TMPRSS15: variants seen among roughly 807,000 people sequenced by gnomAD.
TMPRSS15 encodes enteropeptidase.
TMPRSS15 carries 128 observed loss-of-function variants against 125.3 expected under a neutral mutation model. The observed-to-expected ratio is 1.02, with a 90% confidence interval of 0.89 to 1.18. TMPRSS15 has a LOEUF of 1.18. TMPRSS15 is among the 50% of genes most tolerant of loss of function. The pLI, the probability that TMPRSS15 is intolerant of heterozygous loss-of-function variation, is 0.00. For missense variants in TMPRSS15, 1,283 were observed against 1,212.7 expected (o/e 1.06, Z -0.86); for synonymous variants, 446 against 423.2 (o/e 1.05, Z -0.66).
At chr21:18,333,240 C>T (rs970712329) in intron 13 of TMPRSS15, among the ~76,000 whole-genome samples, 3 of 151,616 alleles carry the variant, frequency 2.0e-5, no homozygotes, top group Non-Finnish European at 2.9e-5. Flanking sequence ...TTCCCCTGAA[C>T]GTAAAAGTAA....
chr21:18,369,882 G>A (rs1416866152), intron 6 of TMPRSS15, among the ~76,000 whole-genome samples: 8 of 143,612 alleles, frequency 5.6e-5, no homozygotes, highest in African/African-American at 2.1e-4. Flanking sequence ...ATTCTCTCTG[G>A]ATAAAAATAG....
At chr21:18,301,204 A>G (rs1249183177) in intron 18 of TMPRSS15, among the ~76,000 whole-genome samples, 1 of 152,186 alleles carries the variant, frequency 6.6e-6, no homozygotes, top group African/African-American at 2.4e-5. Flanking sequence ...GTTTCTCCAG[A>G]TGTCAGTTCT....
chr21:18,401,822 T>C (rs1400935261), intron 1 of TMPRSS15, among the ~76,000 whole-genome samples: 1 of 152,248 alleles, frequency 6.6e-6, no homozygotes, highest in Non-Finnish European at 1.5e-5. Context: ...TATATTTAGC[T>C]GTTCACTGTT....
chr21:18,371,227 C>T lies in TMPRSS15; in HGVS notation c.664+966G>A, dbSNP rs188672233. Reference sequence around the variant, plus strand: ...CACTAATAAAATAGAACAATTATAACAATACTCAGAATGATGTGCAATTTT... The same window carrying T: ...CACTAATAAAATAGAACAATTATAATAATACTCAGAATGATGTGCAATTTT... On this transcript the variant is annotated intron_variant, in intron 6 of 24. Coordinates refer to ENST00000284885, the MANE Select transcript of TMPRSS15 (RefSeq NM_002772.3). 2.8e-3 allele frequency among the ~76,000 whole-genome samples: 426 copies of T among 152,214 alleles called. 1 individual carries two copies. The highest frequency in any genetic ancestry group is 9.8e-3 in the African/African-American group (409 of 41,538).
chr21:18,368,301 T>A lies in TMPRSS15; in HGVS notation c.665-3053A>T, dbSNP rs561136284. Among the ~76,000 whole-genome samples, 28 of 152,306 alleles carry A rather than the reference T, an allele frequency of 1.8e-4. 3 individuals are homozygous for A. Among genetic ancestry groups the A allele is most frequent in the African/African-American group, 6.7e-4 (28 of 41,564 alleles). ...GTTACGTCTCTAGTTTCAAAGATGG[T>A]TCTATGTTTGACAAACCCTCTTTCA... On this transcript the variant is annotated intron_variant, in intron 6 of 24. Coordinates refer to ENST00000284885, the MANE Select transcript of TMPRSS15 (RefSeq NM_002772.3).
At chr21:18,383,421 T>C (rs1344953178) in intron 4 of TMPRSS15, among the ~76,000 whole-genome samples, 2 of 152,128 alleles carry the variant, frequency 1.3e-5, no homozygotes, top group East Asian at 3.9e-4. Context: ...TCCTTGATAT[T>C]TGGTATTTTA....
chr21:18,482,224 A>T (rs1233933752), intron 1 of TMPRSS15, among the ~76,000 whole-genome samples: 1 of 151,500 alleles, frequency 6.6e-6, no homozygotes, highest in Non-Finnish European at 1.5e-5. Context: ...ATCCAATATG[A>T]ACACCAATTT....
chr21:18,374,673 A>G (rs1305196510), intron 5 of TMPRSS15, among the ~76,000 whole-genome samples: 3 of 152,120 alleles, frequency 2.0e-5, no homozygotes, highest in Non-Finnish European at 2.9e-5. Context: ...AAGATTTTAC[A>G]TATATCTGCA....
intron 1 of TMPRSS15, among the ~76,000 whole-genome samples, chr21:18,447,300 C>A (rs1016532888): frequency 6.6e-6 from 1 of 151,384 alleles, no homozygotes; most frequent in East Asian, 1.9e-4. Flanking sequence ...AAAAGCCAGG[C>A]GTGGTGGTGG....
chr21:18,272,794 T>C (rs1316600706), intron 24 of TMPRSS15, among the ~76,000 whole-genome samples: 4 of 152,222 alleles, frequency 2.6e-5, no homozygotes, highest in Non-Finnish European at 5.9e-5. Flanking sequence ...TGCATGAATT[T>C]ACAGAACATA....
chr21:18,365,632 T>TC (rs1569035587), intron 6 of TMPRSS15, among the ~76,000 whole-genome samples: 19 of 84,442 alleles, frequency 2.3e-4, no homozygotes, highest in South Asian at 9.2e-4. Context: ...TTCTTTCTCT[T>TC]TCTCTCTCTT....
intron 1 of TMPRSS15, among the ~76,000 whole-genome samples, chr21:18,425,011 A>T (rs1466860053): frequency 7.0e-6 from 1 of 143,856 alleles, no homozygotes; most frequent in African/African-American, 2.9e-5. Flanking sequence ...ATACATATGA[A>T]TTAATATGCA....
intron 1 of TMPRSS15, among the ~76,000 whole-genome samples, chr21:18,482,065 A>G (rs1335685774): frequency 2.6e-5 from 4 of 151,492 alleles, no homozygotes. Flanking sequence ...TATCTACGAT[A>G]TATTATTTCA....
At chr21:18,293,771 C>T (rs1160701051) in intron 21 of TMPRSS15, among the ~76,000 whole-genome samples, 1 of 152,162 alleles carries the variant, frequency 6.6e-6, no homozygotes, top group Non-Finnish European at 1.5e-5. Flanking sequence ...CAAAATAGAT[C>T]TGACTTAAGA....
At position 18,278,986 on chromosome 21, in the gene TMPRSS15, A is replaced by G. The variant is rs1431014861; in HGVS notation, c.2742T>C (p.Gly914=). Residue 914 remains glycine (G), a synonymous_variant, in exon 23 of 25, where the codon GGT becomes GGC. Coordinates refer to ENST00000284885, the MANE Select transcript of TMPRSS15 (RefSeq NM_002772.3). The stretch of plus-strand genomic sequence containing the variant: ...TACCTTGATATACAACCGTCCCCCA[A>G]CCAGCAATAGAACAATTTCTTCCTG... ...FPPGRNCSIA[G]WGTVVYQGTT... 7 of 1,536,060 alleles carry G rather than the reference A, an allele frequency of 4.6e-6. No homozygotes were observed. The highest frequency in any genetic ancestry group is 1.4e-5 in the African/African-American group (1 of 69,076).
At chr21:18,428,398 G>A (rs2076208560) in intron 1 of TMPRSS15, among the ~76,000 whole-genome samples, 2 of 152,158 alleles carry the variant, frequency 1.3e-5, no homozygotes, top group African/African-American at 4.8e-5. Context: ...TAAGTAACAA[G>A]GAGCCAAATG....
At chr21:18,374,346 G>T (rs1443665007) in intron 5 of TMPRSS15, among the ~76,000 whole-genome samples, 1 of 151,294 alleles carries the variant, frequency 6.6e-6, no homozygotes, top group East Asian at 2.0e-4. Context: ...GGTGGCGGGC[G>T]CCTGTAGTCC....
Position 18,372,179 on chromosome 21 carries a change from G to T in TMPRSS15, c.664+14C>A, listed in dbSNP as rs772541752. 3.1e-6 allele frequency: 5 copies of T among 1,607,088 alleles called. No homozygotes were observed. The Admixed American group carries it at 5.0e-5, about 16-fold the overall frequency. ...GATAAAACAGAAGGGGAGAGAGTAG[G>T]GGGGAGAACTTACCACACATTTTAT... On this transcript the variant is annotated intron_variant, in intron 6 of 24. Coordinates refer to ENST00000284885, the MANE Select transcript of TMPRSS15 (RefSeq NM_002772.3).
chr21:18,391,518 T>A (rs1033065728), intron 3 of TMPRSS15, among the ~76,000 whole-genome samples: 2 of 152,236 alleles, frequency 1.3e-5, no homozygotes, highest in African/African-American at 2.4e-5. Flanking sequence ...GGCATGCTAA[T>A]GCAAGGGGTG....
Sources: gnomAD v4.1 joint callset for allele counts (sites outside exome capture counted in the v4.1 genomes callset) on GRCh38, gnomAD v4.1.1 for gene constraint, MANE v1.5 for transcripts, NCBI Gene and HGNC (gene_info 2026-07-23, HGNC 2026-07-21) for gene names.